GPC5: variants seen among roughly 807,000 people sequenced by gnomAD.
GPC5 encodes the protein glypican 5, also known as glypican-5.
Under a neutral mutation model 53.9 loss-of-function variants are expected in GPC5, and 47 were observed. The ratio of observed to expected loss-of-function variants is 0.87; its 90% CI spans 0.69 to 1.11. The LOEUF (loss-of-function observed/expected upper bound fraction) is 1.11. Among genes scored for constraint, GPC5 ranks in the 50% most tolerant of loss-of-function variants. The pLI, the probability that GPC5 is intolerant of heterozygous loss-of-function variation, is 0.00. For synonymous variants in GPC5, 286 were observed against 263.3 expected (o/e 1.09, Z -0.84); for missense variants, 748 against 713.1 (o/e 1.05, Z -0.56).
At chr13:92,170,104 A>C (rs1180708864) in intron 7 of GPC5, among the ~76,000 whole-genome samples, 1 of 152,016 alleles carries the variant, frequency 6.6e-6, no homozygotes, top group Non-Finnish European at 1.5e-5. Flanking sequence ...TAAATTTGCA[A>C]TTTGATAAAA....
intron 6 of GPC5, among the ~76,000 whole-genome samples, chr13:91,932,154 A>G (rs2039828065): frequency 6.6e-6 from 1 of 152,040 alleles, no homozygotes; most frequent in Non-Finnish European, 1.5e-5. Context: ...GGCTGCAAAG[A>G]ATCCAATGTT....
chr13:91,861,038 T>C (rs1478036050), intron 5 of GPC5, among the ~76,000 whole-genome samples: 1 of 152,246 alleles, frequency 6.6e-6, no homozygotes, highest in Non-Finnish European at 1.5e-5. Context: ...ATATGTCTTA[T>C]GTCATTGATT....
intron 7 of GPC5, among the ~76,000 whole-genome samples, chr13:92,198,115 A>C (rs1185341816): frequency 6.6e-6 from 1 of 152,204 alleles, no homozygotes; most frequent in African/African-American, 2.4e-5. Context: ...CTTTATCTGA[A>C]TAATTCAGCC....
At position 92,692,888 on chromosome 13, in the gene GPC5, C is replaced by G. The variant is rs554121120; in HGVS notation, c.1562-173394C>G. 4.6e-5 allele frequency among the ~76,000 whole-genome samples: 7 copies of G among 151,254 alleles called. No homozygotes were observed. In the East Asian group the frequency reaches 1.4e-3, roughly 30 times the overall value. On this transcript the variant is annotated intron_variant, in intron 7 of 7. Transcript: ENST00000377067. ...CACTAATATGGTTTGGCTCTGCGTC[C>G]CCACCCAAATCTCATCTCAAATTGT...
intron 7 of GPC5, among the ~76,000 whole-genome samples, chr13:92,734,289 A>C (rs1888881861): frequency 6.6e-6 from 1 of 151,730 alleles, no homozygotes; most frequent in Non-Finnish European, 1.5e-5. Flanking sequence ...AGCCCTGGGG[A>C]TATCCTCTGG....
intron 6 of GPC5, among the ~76,000 whole-genome samples, chr13:91,930,143 C>T (rs531445877): frequency 3.9e-5 from 6 of 151,980 alleles, no homozygotes; most frequent in African/African-American, 7.2e-5. Context: ...AGGTCATGCA[C>T]GAGGCCTTTC....
At chr13:91,551,015 G>A (rs577873418) in intron 2 of GPC5, among the ~76,000 whole-genome samples, 3 of 152,180 alleles carry the variant, frequency 2.0e-5, no homozygotes, top group East Asian at 3.9e-4. Context: ...GTCTTTATTA[G>A]CAGTGTGAGA....
intron 7 of GPC5, among the ~76,000 whole-genome samples, chr13:92,302,228 AT>A (rs202184868): frequency 5.3e-5 from 8 of 151,604 alleles, no homozygotes; most frequent in African/African-American, 1.5e-4. Flanking sequence ...CTTAACAGTG[AT>A]TTTTTTTTCT....
chr13:91,977,611 A>T (rs1485169635), intron 6 of GPC5, among the ~76,000 whole-genome samples: 1 of 152,184 alleles, frequency 6.6e-6, no homozygotes. Flanking sequence ...AGACAATGCA[A>T]AAAAGGGCAT....
In GPC5 at chr13:91,693,446, G is replaced by A; in HGVS notation, c.585G>A (p.Arg195=). The A allele has an allele frequency of 6.2e-7, 1 of 1,614,088 alleles. No individual in the cohort carries two copies. The highest frequency in any genetic ancestry group is 8.5e-7 in the Non-Finnish European group (1 of 1,180,026). ...DSSLEYSECI[R]MARRDVSPFG... ...CCCTGGAATACTCAGAATGCATCCG[G>A]ATGGCTCGCCGGGATGTGAGTCCAT... Residue 195 remains arginine, a synonymous_variant, in exon 3 of 8, where the codon CGG becomes CGA. Coordinates refer to ENST00000377067, the MANE Select transcript of GPC5 (RefSeq NM_004466.6).
At chr13:91,931,279 C>T (rs1316765247) in intron 6 of GPC5, among the ~76,000 whole-genome samples, 3 of 152,060 alleles carry the variant, frequency 2.0e-5, no homozygotes, top group Middle Eastern at 3.4e-3. Flanking sequence ...TATGAATTCA[C>T]TTGTGAATTA....
chr13:92,398,737 T>G (rs551953218), intron 7 of GPC5, among the ~76,000 whole-genome samples: 2 of 152,308 alleles, frequency 1.3e-5, no homozygotes, highest in South Asian at 2.1e-4. Flanking sequence ...AAACTAAAAT[T>G]ATTTCTTCGA....
At chr13:92,698,385 C>A (rs981422618) in intron 7 of GPC5, among the ~76,000 whole-genome samples, 1 of 151,658 alleles carries the variant, frequency 6.6e-6, no homozygotes, top group Admixed American at 6.6e-5. Flanking sequence ...TCTCATTGTT[C>A]AATTCCCACC....
At chr13:92,445,532 T>A (rs1877776318) in intron 7 of GPC5, among the ~76,000 whole-genome samples, 1 of 143,662 alleles carries the variant, frequency 7.0e-6, no homozygotes, top group African/African-American at 2.6e-5. Flanking sequence ...GTTCTCATTG[T>A]TCATTTCCCA....
intron 7 of GPC5, among the ~76,000 whole-genome samples, chr13:92,543,233 C>A (rs940154561): frequency 2.6e-5 from 4 of 151,858 alleles, no homozygotes; most frequent in African/African-American, 9.7e-5. Flanking sequence ...TTCAGAAATT[C>A]TTTATTCTGC....
At chr13:92,573,783 C>A (rs1466829043) in intron 7 of GPC5, among the ~76,000 whole-genome samples, 2 of 152,156 alleles carry the variant, frequency 1.3e-5, no homozygotes, top group Non-Finnish European at 2.9e-5. Context: ...TAACTCCTTC[C>A]TACAGCCCTC....
chr13:91,871,004 G>T (rs1253593113), intron 5 of GPC5, among the ~76,000 whole-genome samples: 1 of 152,182 alleles, frequency 6.6e-6, no homozygotes, highest in Non-Finnish European at 1.5e-5. Flanking sequence ...ATGTATTTAT[G>T]TTTCACATAC....
At chr13:92,479,738 AGGGG>A (rs1879280221) in intron 7 of GPC5, among the ~76,000 whole-genome samples, 1 of 152,322 alleles carries the variant, frequency 6.6e-6, no homozygotes, top group South Asian at 2.1e-4. Flanking sequence ...GATGCCAGGC[AGGGG>A]GCTCTAGCAC....
At chr13:91,642,920 A>G (rs1378517355) in intron 2 of GPC5, among the ~76,000 whole-genome samples, 3 of 152,194 alleles carry the variant, frequency 2.0e-5, no homozygotes, top group Non-Finnish European at 4.4e-5. Context: ...TTAATTTTCC[A>G]GAGACAGGAA....
Sources: gnomAD v4.1 joint callset for allele counts (sites outside exome capture counted in the v4.1 genomes callset) on GRCh38, gnomAD v4.1.1 for gene constraint, MANE v1.5 for transcripts, NCBI Gene and HGNC (gene_info 2026-07-23, HGNC 2026-07-21) for gene names.